Variants in CCDC171 observed in about 807,000 individuals in gnomAD.
CCDC171 encodes coiled-coil domain containing 171.
A neutral mutation model predicts 168.2 loss-of-function variants in CCDC171; 177 were observed. That is an observed-to-expected ratio of 1.05 (90% CI 0.93 to 1.19). The LOEUF (loss-of-function observed/expected upper bound fraction) is 1.19. CCDC171 is among the 50% of genes most tolerant of loss of function. The probability of loss-of-function intolerance (pLI) is 0.00; values close to 1 mark genes in which losing one functional copy is unlikely to be tolerated. For missense variants in CCDC171, 1,991 were observed against 1,539.0 expected (o/e 1.29, Z -4.91); for synonymous variants, 687 against 540.8 (o/e 1.27, Z -3.75).
At chr9:15,649,509 G>A (rs1161093596) in intron 7 of CCDC171, among the ~76,000 whole-genome samples, 2 of 151,976 alleles carry the variant, frequency 1.3e-5, no homozygotes, top group African/African-American at 4.8e-5. Context: ...TCTGACAAAG[G>A]GCTAATATCC....
chr9:15,876,185 A>T (rs1817820494), intron 24 of CCDC171: 1 of 152,170 alleles, frequency 6.6e-6, no homozygotes. Context: ...CCCACAGTTT[A>T]AACTACTGTC....
chr9:16,075,061 C>T, the CCDC171 span, among the ~76,000 whole-genome samples: 1 of 152,158 alleles, frequency 6.6e-6, no homozygotes, highest in African/African-American at 2.4e-5. Context: ...TTACATGGTT[C>T]TTGCTTACTG....
chr9:15,652,387 G>C (rs2047592986), intron 7 of CCDC171, among the ~76,000 whole-genome samples: 1 of 151,398 alleles, frequency 6.6e-6, no homozygotes, highest in Non-Finnish European at 1.5e-5. Context: ...TCCTTTCTGT[G>C]GATCTATATG....
intron 25 of CCDC171, among the ~76,000 whole-genome samples, chr9:15,929,340 A>ATT (rs1414450669): frequency 1.3e-5 from 2 of 151,704 alleles, no homozygotes; most frequent in African/African-American, 2.4e-5. Flanking sequence ...TTTTTACCAA[A>ATT]TTGAGTTCTT....
intron 6 of CCDC171, among the ~76,000 whole-genome samples, chr9:16,026,433 C>T (rs78775304): frequency 2.5e-4 from 38 of 152,266 alleles, no homozygotes; most frequent in African/African-American, 8.7e-4. Flanking sequence ...ATCTGGAATC[C>T]AGTCAGTGTG....
the CCDC171 span, among the ~76,000 whole-genome samples, chr9:16,087,869 T>G: frequency 3.3e-5 from 5 of 152,188 alleles, no homozygotes; most frequent in East Asian, 9.6e-4. Flanking sequence ...GGTATGTTTT[T>G]GCAGTGGCTG....
chr9:16,038,422 A>G (rs1189800263), upstream of CCDC171, among the ~76,000 whole-genome samples: 1 of 152,146 alleles, frequency 6.6e-6, no homozygotes, highest in Non-Finnish European at 1.5e-5. Flanking sequence ...AATAATAGAT[A>G]AAATGGGTGG....
intron 1 of CCDC171, among the ~76,000 whole-genome samples, chr9:16,059,018 C>G (rs1318277913): frequency 2.0e-5 from 3 of 152,140 alleles, no homozygotes; most frequent in Non-Finnish European, 4.4e-5. Flanking sequence ...GGTGCCTTTT[C>G]CCACAAACAT....
At chr9:16,060,207 T>C (rs1414700466) in intron 1 of CCDC171, among the ~76,000 whole-genome samples, 1 of 152,158 alleles carries the variant, frequency 6.6e-6, no homozygotes, top group Non-Finnish European at 1.5e-5. Flanking sequence ...GTTCATGAGA[T>C]CTTGGACTGT....
chr9:15,861,710 A>C (rs2130986441), intron 23 of CCDC171, among the ~76,000 whole-genome samples: 1 of 151,304 alleles, frequency 6.6e-6, no homozygotes, highest in East Asian at 2.0e-4. Context: ...TCATTCACAT[A>C]TTTTTTACTT....
chr9:15,964,562 C>A (rs955573725), intron 25 of CCDC171, among the ~76,000 whole-genome samples: 1 of 152,046 alleles, frequency 6.6e-6, no homozygotes, highest in African/African-American at 2.4e-5. Flanking sequence ...CAACAGACTG[C>A]AAGCACAAGG....
intron 3 of CCDC171, among the ~76,000 whole-genome samples, chr9:15,979,289 TACC>T (rs1383808045): frequency 6.6e-6 from 1 of 152,206 alleles, no homozygotes; most frequent in Non-Finnish European, 1.5e-5. Flanking sequence ...TTCTTCTTCT[TACC>T]AAATTGTCTC....
At chr9:15,670,648 C>A (rs1442959029) in intron 9 of CCDC171, among the ~76,000 whole-genome samples, 3 of 152,162 alleles carry the variant, frequency 2.0e-5, no homozygotes, top group African/African-American at 7.2e-5. Flanking sequence ...CTCTTCCCAT[C>A]CTTTCCATAG....
chr9:15,621,788 CAAAG>C (rs1564068215), intron 6 of CCDC171, among the ~76,000 whole-genome samples: 1 of 152,106 alleles, frequency 6.6e-6, no homozygotes, highest in Admixed American at 6.6e-5. Context: ...GGTATATACT[CAAAG>C]GAATAGAAAT....
chr9:15,795,707 G>T (rs1001628344), intron 21 of CCDC171, among the ~76,000 whole-genome samples: 4 of 152,210 alleles, frequency 2.6e-5, no homozygotes, highest in Non-Finnish European at 5.9e-5. Context: ...TGGAAGGGCT[G>T]CCCTACTATG....
the CCDC171 span, among the ~76,000 whole-genome samples, chr9:16,080,456 C>A: frequency 6.6e-6 from 1 of 152,104 alleles, no homozygotes; most frequent in Admixed American, 6.5e-5. Context: ...TTTTCTACGT[C>A]TTTTTCTCTA....
chr9:16,064,422 G>A (rs867618687), downstream of CCDC171, among the ~76,000 whole-genome samples: 2 of 152,178 alleles, frequency 1.3e-5, no homozygotes, highest in Admixed American at 6.5e-5. Context: ...GAGGGAGGCT[G>A]AGGGCAGAGG....
At chr9:15,719,964 CAT>C (rs1483872588) in intron 11 of CCDC171, among the ~76,000 whole-genome samples, 2 of 126,232 alleles carry the variant, frequency 1.6e-5, no homozygotes, top group African/African-American at 5.2e-5. Context: ...CTTTCCAACT[CAT>C]AGTCATTACG....
chr9:15,771,704 C>T (rs937126317), intron 18 of CCDC171, among the ~76,000 whole-genome samples: 4 of 152,238 alleles, frequency 2.6e-5, no homozygotes, highest in East Asian at 1.9e-4. Flanking sequence ...AGCCTTACCT[C>T]AAGGTAGTAT....
Sources: allele counts gnomAD v4.1 joint callset (sites outside exome capture counted in the v4.1 genomes callset), GRCh38; gene constraint gnomAD v4.1.1; transcripts MANE v1.5; gene names NCBI Gene and HGNC (gene_info 2026-07-23, HGNC 2026-07-21).